Variants in UFL1 observed in about 807,000 individuals in gnomAD.
UFL1 encodes the protein E3 UFM1-protein ligase 1.
A neutral mutation model predicts 99.3 loss-of-function variants in UFL1; 78 were observed. The observed-to-expected ratio is 0.79, with a 90% CI of 0.65 to 0.95. The LOEUF is 0.95. UFL1 is among the 40% of genes least tolerant of loss of function. UFL1 has a pLI of 0.00. For synonymous variants in UFL1, 335 were observed against 322.2 expected, an observed-to-expected ratio of 1.04 and a Z score of -0.42; for missense variants, 936 against 937.0, an observed-to-expected ratio of 1.00 and a Z score of 0.01.
chr6:96,533,944 A>G (rs1769818770), intron 6 of UFL1, among the ~76,000 whole-genome samples: 1 of 151,912 alleles, frequency 6.6e-6, no homozygotes, highest in African/African-American at 2.4e-5. Flanking sequence ...AATATTCCCA[A>G]GTAAGGAAAG....
At chr6:96,536,733 C>T (rs1293864743) in intron 8 of UFL1, among the ~76,000 whole-genome samples, 1 of 151,580 alleles carries the variant, frequency 6.6e-6, no homozygotes, top group Non-Finnish European at 1.5e-5. Context: ...TAAGATGGCA[C>T]TATAAACTTA....
chr6:96,542,068 G>A (rs183521474), intron 11 of UFL1, among the ~76,000 whole-genome samples: 17 of 151,262 alleles, frequency 1.1e-4, no homozygotes, highest in Admixed American at 2.0e-4. Flanking sequence ...TTATTTTGAA[G>A]TAATATAATA....
At chr6:96,549,629 G>T in intron 14 of UFL1, 40 bp from the exon 15 acceptor site, 1 of 1,588,394 alleles carries the variant, frequency 6.3e-7, no homozygotes, top group Non-Finnish European at 8.5e-7. Context: ...TCATAATTTG[G>T]GGAATAAATT....
At chr6:96,551,637 C>T in intron 16 of UFL1, 124 bp downstream of exon 16, 1 of 765,456 alleles carries the variant, frequency 1.3e-6, no homozygotes, top group South Asian at 2.2e-5. Flanking sequence ...CACTCAGCTG[C>T]CTCTTTGAAA....
At chr6:96,541,317 C>T (rs549371656) in intron 11 of UFL1, among the ~76,000 whole-genome samples, 74 of 151,500 alleles carry the variant, frequency 4.9e-4, no homozygotes, top group African/African-American at 1.8e-3. Context: ...GAAAAAATTT[C>T]TGAAGGACAT....
At chr6:96,547,048 T>C (rs1431026360) in intron 12 of UFL1, among the ~76,000 whole-genome samples, 4 of 151,356 alleles carry the variant, frequency 2.6e-5, no homozygotes, top group African/African-American at 9.7e-5. Flanking sequence ...TACAACAGAG[T>C]AAATAGCCTT....
chr6:96,549,352 C>G, intron 13 of UFL1, 60 bp from the exon 14 acceptor site: 2 of 1,304,014 alleles, frequency 1.5e-6, no homozygotes, highest in Non-Finnish European at 2.0e-6. Flanking sequence ...AACAAAATTC[C>G]TTATCTATAT....
At chr6:96,541,915 T>C (rs890502147) in intron 11 of UFL1, among the ~76,000 whole-genome samples, 1 of 151,132 alleles carries the variant, frequency 6.6e-6, no homozygotes, top group Non-Finnish European at 1.5e-5. Context: ...TTTTTGAAAA[T>C]AGAATTTTTT....
intron 9 of UFL1, among the ~76,000 whole-genome samples, 162 bp downstream of exon 9, chr6:96,537,711 G>A (rs945157808): frequency 1.3e-5 from 2 of 151,794 alleles, no homozygotes; most frequent in East Asian, 1.9e-4. Flanking sequence ...AAAGTCTTTC[G>A]GGTGACCTTC....
chr6:96,525,680 A>T (rs1020094766), intron 4 of UFL1, among the ~76,000 whole-genome samples: 9 of 137,648 alleles, frequency 6.5e-5, no homozygotes, highest in Non-Finnish European at 7.9e-5. Flanking sequence ...GTCTCAAATT[A>T]AAAAAAAAAA....
rs1169330405 is a variant in UFL1, at chr6:96,528,567, T to C, written c.531T>C (p.Ile177=). Residue 177 remains isoleucine, a synonymous_variant, in exon 6 of 19, where the codon ATT becomes ATC. Transcript: ENST00000369278. ...TTGATCTTGATAATAGAGGAGTAAT[T>C]TTTACGGAAGCTTTTGTAGCTCGAC... ...GHIDLDNRGV[I]FTEAFVARHK... 1 of 1,613,834 alleles carries C rather than the reference T, an allele frequency of 6.2e-7. No homozygotes were observed.
intron 1 of UFL1, 130 bp from the exon 2 acceptor site, chr6:96,523,016 C>T: frequency 1.3e-6 from 1 of 794,884 alleles, no homozygotes; most frequent in Non-Finnish European, 1.8e-6. Flanking sequence ...GTGAAAAATA[C>T]AGATATTGTG....
At chr6:96,534,357 T>C (rs986512757) in intron 7 of UFL1, 36 bp downstream of exon 7, 3 of 1,407,482 alleles carry the variant, frequency 2.1e-6, no homozygotes, top group Non-Finnish European at 2.9e-6. Context: ...CTTAATTAGC[T>C]GCTGAATAGA....
At chr6:96,525,248 A>C in intron 3 of UFL1, 49 bp from the exon 4 acceptor site, 1 of 1,389,408 alleles carries the variant, frequency 7.2e-7, no homozygotes, top group Non-Finnish European at 1.0e-6. Flanking sequence ...TTTCAAGCTT[A>C]AGAAACAATA....
At position 96,552,504 on chromosome 6, in the gene UFL1, C is replaced by T; in HGVS notation, c.2008C>T (p.Gln670Ter). ...RERQILFQHR[Q>*]ALAEQLKVTE... ...TAGACAGATACTGTTCCAACATCGA[C>T]AAGCACTGGCTGAACAGCTAAAGGT... Residue 670 changes from glutamine to a stop codon, truncating the protein, a stop_gained, in exon 18 of 19, where the codon CAA becomes TAA. Transcript: ENST00000369278. LOFTEE classifies it high-confidence loss of function. 1 of 1,586,634 alleles carries T rather than the reference C, an allele frequency of 6.3e-7. No individual in the cohort carries two copies. Among genetic ancestry groups the T allele is most frequent in the Non-Finnish European group, 8.5e-7 (1 of 1,171,866 alleles).
In UFL1 at chr6:96,526,340, G is replaced by A; in HGVS notation, c.370G>A (p.Ala124Thr). The A allele has an allele frequency of 1.9e-6, 3 of 1,612,986 alleles. No individual in the cohort carries two copies. The highest frequency in any genetic ancestry group is 1.7e-6 in the Non-Finnish European group (2 of 1,179,552). ...TATTAGGAATTATTTGGATCGGTTG[G>A]CAGAAGAGGTCAATGATAAATTGCA... ...LIDENYLDRL[A>T]EEVNDKLQES... Residue 124 changes from alanine (A) to threonine (T), a missense_variant, in exon 5 of 19, where the codon GCA becomes ACA. Coordinates refer to ENST00000369278, the MANE Select transcript of UFL1 (RefSeq NM_015323.5).
chr6:96,536,854 T>C (rs1769861445), intron 8 of UFL1, among the ~76,000 whole-genome samples: 1 of 151,766 alleles, frequency 6.6e-6, no homozygotes, highest in Non-Finnish European at 1.5e-5. Context: ...AGATTTACAA[T>C]GTGTGTTTTT....
chr6:96,546,989 C>G (rs1770010218), intron 12 of UFL1, among the ~76,000 whole-genome samples: 1 of 151,416 alleles, frequency 6.6e-6, no homozygotes, highest in Non-Finnish European at 1.5e-5. Context: ...AAAATTGACA[C>G]ATAGGACTTA....
chr6:96,525,462 A>C, intron 4 of UFL1, 68 bp downstream of exon 4: 2 of 1,154,560 alleles, frequency 1.7e-6, no homozygotes, highest in South Asian at 2.7e-5. Flanking sequence ...ATAGTGTTTA[A>C]ATTTAGGCCA....
Sources: allele counts gnomAD v4.1 joint callset (sites outside exome capture counted in the v4.1 genomes callset), GRCh38; gene constraint gnomAD v4.1.1; transcripts MANE v1.5; gene names NCBI Gene and HGNC (gene_info 2026-07-23, HGNC 2026-07-21).